Variants in FDFT1 observed in about 807,000 individuals in gnomAD.
FDFT1 encodes the protein squalene synthase.
In FDFT1, 68 loss-of-function variants were observed where a neutral mutation model predicts 46.8. The ratio of observed to expected loss-of-function variants is 1.45; its 90% confidence interval spans 1.19 to 1.78. The LOEUF (loss-of-function observed/expected upper bound fraction) is 1.78, where lower values mean the gene tolerates loss of function less well. Among genes scored for constraint, FDFT1 ranks in the 40% most tolerant of loss-of-function variants. FDFT1 has a pLI of 0.00. For synonymous variants in FDFT1, 351 were observed against 185.1 expected (o/e 1.90, Z -7.28); for missense variants, 928 against 524.4 (o/e 1.77, Z -7.52).
intron 5 of FDFT1, among the ~76,000 whole-genome samples, chr8:11,828,312 AAAAAAC>A (rs1264504328): frequency 6.6e-6 from 1 of 152,154 alleles, no homozygotes; most frequent in African/African-American, 2.4e-5. Context: ...AACAACAACA[AAAAAAC>A]AAAAAACACT....
At chr8:11,814,857 G>C (rs1808223196) in intron 3 of FDFT1, among the ~76,000 whole-genome samples, 1 of 151,876 alleles carries the variant, frequency 6.6e-6, no homozygotes, top group Non-Finnish European at 1.5e-5. Flanking sequence ...TCAAGGGTCT[G>C]AGTTTTTTTT....
exon 1 of FDFT1, chr8:11,795,588 A>C (rs989103109): frequency 7.1e-6 from 1 of 141,518 alleles, no homozygotes; most frequent in Non-Finnish European, 1.6e-5. Context: ...CGGTGGCAAC[A>C]CGCTGGGTTT....
intron 3 of FDFT1, among the ~76,000 whole-genome samples, chr8:11,815,005 C>G (rs747299509): frequency 1.3e-4 from 20 of 152,258 alleles, no homozygotes; most frequent in Admixed American, 3.3e-4. Flanking sequence ...TCTCGTAATG[C>G]TATCCCTCCC....
At chr8:11,809,519 G>A (rs542263616) in intron 2 of FDFT1, 148 bp from the exon 3 acceptor site, 6 of 1,309,662 alleles carry the variant, frequency 4.6e-6, no homozygotes, top group Middle Eastern at 2.8e-4. Flanking sequence ...TGTAACTTTC[G>A]TTAAGTATGA....
chr8:11,809,114 A>AGG (rs1470716348), intron 2 of FDFT1: 13 of 1,264,262 alleles, frequency 1.0e-5, no homozygotes, highest in Non-Finnish European at 1.0e-5. Flanking sequence ...AAGAGGGGGG[A>AGG]GGGGGTGATG....
chr8:11,796,658 G>A (rs902880347), intron 1 of FDFT1, among the ~76,000 whole-genome samples: 5 of 152,206 alleles, frequency 3.3e-5, no homozygotes, highest in Admixed American at 3.3e-4. Context: ...AGAGGTAGGT[G>A]TCTTCAGTGA....
intron 7 of FDFT1, 163 bp downstream of exon 7, chr8:11,831,833 C>T (rs1810847704): frequency 6.2e-6 from 4 of 643,238 alleles, no homozygotes; most frequent in Middle Eastern, 8.7e-4. Flanking sequence ...AGTCTATTCA[C>T]AGGAGCCGAG....
At chr8:11,797,457 C>G (rs570635759), upstream of FDFT1, among the ~76,000 whole-genome samples, 2 of 152,088 alleles carry the variant, frequency 1.3e-5, no homozygotes, top group Admixed American at 6.5e-5. Flanking sequence ...GGAACCTTAT[C>G]TTACTCATCT....
intron 7 of FDFT1, among the ~76,000 whole-genome samples, chr8:11,834,817 A>T (rs1811318860): frequency 6.6e-6 from 1 of 152,198 alleles, no homozygotes; most frequent in African/African-American, 2.4e-5. Context: ...AAACATTTAT[A>T]GGAGCCTGTG....
At chr8:11,806,603 A>T (rs1323894376) in intron 1 of FDFT1, among the ~76,000 whole-genome samples, 8 of 151,910 alleles carry the variant, frequency 5.3e-5, no homozygotes, top group South Asian at 2.1e-4. Flanking sequence ...CATTGATTGA[A>T]ACTCCTGGCT....
At chr8:11,835,677 A>C (rs1443539508) in intron 7 of FDFT1, among the ~76,000 whole-genome samples, 4 of 152,214 alleles carry the variant, frequency 2.6e-5, no homozygotes, top group Admixed American at 6.5e-5. Flanking sequence ...CAACAGGCTA[A>C]CAAAGTACAA....
At chr8:11,827,549 T>C (rs970585513) in intron 5 of FDFT1, among the ~76,000 whole-genome samples, 2 of 150,956 alleles carry the variant, frequency 1.3e-5, no homozygotes, top group Non-Finnish European at 2.9e-5. Flanking sequence ...GGAAACAATA[T>C]TTGCAATTCA....
chr8:11,802,800 A>C lies in FDFT1; in HGVS notation c.-33A>C. 8 of 1,552,554 alleles carry C rather than the reference A, an allele frequency of 5.2e-6. No individual in the cohort carries two copies. Among genetic ancestry groups the C allele is most frequent in the African/African-American group, 1.4e-5 (1 of 73,742 alleles). On this transcript the variant is annotated 5_prime_UTR_variant, in exon 1 of 8. Transcript: ENST00000220584. ...AGCGCCTGGGGACCGCAGAGGTGAG[A>C]GTCGCGCCCGGGAGTCCGCCGCCTG...
chr8:11,827,052 A>T (rs1412799740), intron 5 of FDFT1, among the ~76,000 whole-genome samples: 2 of 152,198 alleles, frequency 1.3e-5, no homozygotes, highest in Admixed American at 1.3e-4. Flanking sequence ...AGGGAACAGA[A>T]AGCTTTTGAT....
chr8:11,814,749 G>A (rs1263464398), intron 3 of FDFT1, among the ~76,000 whole-genome samples: 2 of 152,148 alleles, frequency 1.3e-5, no homozygotes, highest in African/African-American at 4.8e-5. Flanking sequence ...TAAAAGTATA[G>A]CCTTAATAGT....
chr8:11,802,225 C>T (rs549741953), upstream of FDFT1: 2 of 393,588 alleles, frequency 5.1e-6, no homozygotes, highest in African/African-American at 2.1e-5. Flanking sequence ...AGACGCCCAG[C>T]TTGGCGCTGG....
upstream of FDFT1, chr8:11,802,625 A>T (rs1434875594): frequency 3.4e-6 from 2 of 592,710 alleles, no homozygotes; most frequent in Non-Finnish European, 6.1e-6. Context: ...AGCGCCCGTC[A>T]GCCCACCCCA....
In FDFT1 at chr8:11,796,599, A is replaced by G. The variant is rs761238925; in HGVS notation, c.-94+588A>G. Among the ~76,000 whole-genome samples, 168 of 152,366 alleles carry G rather than the reference A, an allele frequency of 1.1e-3. 1 individual carries two copies. The highest frequency in any genetic ancestry group is 7.8e-4 in the Non-Finnish European group (53 of 68,036). ...CGGTGGAAAAGGGGAAGGCTGCAGCAGTGCTCTGATTGGAGGCTTCTGGCC... is the reference window on the plus strand; with the variant it reads ...CGGTGGAAAAGGGGAAGGCTGCAGCGGTGCTCTGATTGGAGGCTTCTGGCC... On this transcript the variant is annotated intron_variant, in intron 1 of 7. Coordinates refer to the FDFT1 transcript ENST00000538689.
chr8:11,817,329 T>A (rs1808595335), intron 3 of FDFT1, among the ~76,000 whole-genome samples: 2 of 152,246 alleles, frequency 1.3e-5, no homozygotes, highest in African/African-American at 4.8e-5. Context: ...CCTAAAATTC[T>A]CTTTTTTTAT....
Sources: allele counts gnomAD v4.1 joint callset (sites outside exome capture counted in the v4.1 genomes callset), GRCh38; gene constraint gnomAD v4.1.1; transcripts MANE v1.5; gene names NCBI Gene and HGNC (gene_info 2026-07-23, HGNC 2026-07-21).